The following NFAM1 variants were observed in gnomAD, a reference collection of about 807,000 sequenced individuals.
The protein encoded by NFAM1 is NFAT activation molecule 1.
A neutral mutation model predicts 29.0 loss-of-function variants in NFAM1; 17 were observed. The ratio of observed to expected loss-of-function variants is 0.59; its 90% CI spans 0.40 to 0.88. The LOEUF (loss-of-function observed/expected upper bound fraction) is 0.88. Ranked by LOEUF, NFAM1 falls within the 40% of genes least tolerant of loss-of-function variation. The probability of loss-of-function intolerance (pLI) is 0.00; values close to 1 mark genes in which losing one functional copy is unlikely to be tolerated. For missense variants in NFAM1, 324 were observed against 344.6 expected (o/e 0.94, Z 0.47); for synonymous variants, 175 against 147.2 (o/e 1.19, Z -1.36).
At chr22:42,413,182 G>A (rs77282487) in intron 1 of NFAM1, among the ~76,000 whole-genome samples, 1,710 of 152,318 alleles carry the variant, frequency 0.011, 31 homozygotes, top group African/African-American at 0.039. Flanking sequence ...CATGCAGGCC[G>A]GATTGTTAAT....
At chr22:42,396,024 T>C (rs542736654) in intron 4 of NFAM1, among the ~76,000 whole-genome samples, 1 of 152,238 alleles carries the variant, frequency 6.6e-6, no homozygotes, top group African/African-American at 2.4e-5. Flanking sequence ...ACATAGTAGG[T>C]ACACAACAAA....
chr22:42,436,909 T>C (rs913819846), upstream of NFAM1: 1 of 603,854 alleles, frequency 1.7e-6, no homozygotes, highest in Non-Finnish European at 2.1e-6. Context: ...GCAGATATTA[T>C]ACGCCTCAGC....
At chr22:42,387,701 C>T (rs2147089043) in intron 4 of NFAM1, among the ~76,000 whole-genome samples, 1 of 152,248 alleles carries the variant, frequency 6.6e-6, no homozygotes, top group African/African-American at 2.4e-5. Flanking sequence ...ACCCCTCATC[C>T]CCCTTGCCTG....
At chr22:42,401,945 T>C (rs1929738645) in intron 3 of NFAM1, among the ~76,000 whole-genome samples, 1 of 152,234 alleles carries the variant, frequency 6.6e-6, no homozygotes, top group South Asian at 2.1e-4. Flanking sequence ...CTCGCATGCA[T>C]TTATCCTGTC....
intron 3 of NFAM1, among the ~76,000 whole-genome samples, chr22:42,407,209 G>T (rs932669759): frequency 6.6e-6 from 1 of 151,666 alleles, no homozygotes; most frequent in Non-Finnish European, 1.5e-5. Flanking sequence ...AGCCTCCTGA[G>T]TAGCTGGGAT....
intron 3 of NFAM1, among the ~76,000 whole-genome samples, chr22:42,401,613 C>T (rs1076646): frequency 0.038 from 5,765 of 152,240 alleles, 352 homozygotes; most frequent in African/African-American, 0.13. Context: ...GGCTGCTTTG[C>T]TCCCTGCCCA....
In NFAM1 at chr22:42,409,452, G is replaced by A. The variant is rs756671448; in HGVS notation, c.547C>T (p.Leu183=). The A allele has an allele frequency of 3.3e-6, 5 of 1,513,250 alleles. No homozygotes were observed. The Admixed American group carries it at 1.1e-4, about 32-fold the overall frequency. 93.7% of individuals were successfully genotyped at this position (1,513,250 alleles called of 1,614,324 possible). ...LSVLSVVGTA[L]LLWNKKRMRG... ...TCCCGTACCTTGTTCCAGAGCAGCA[G>A]GGCCGTGCCCACTACACTCAGGACA... The change falls in exon 3 of 6, where the codon CTG becomes TTG. Residue 183 remains leucine (L), a synonymous_variant. Coordinates refer to ENST00000329021, the MANE Select transcript of NFAM1 (RefSeq NM_145912.8). The surrounding 1 kb of genome is among the most constrained non-coding windows in gnomAD (Gnocchi z 4.9).
At chr22:42,405,995 A>G (rs1226999531) in intron 3 of NFAM1, among the ~76,000 whole-genome samples, 1 of 152,180 alleles carries the variant, frequency 6.6e-6, no homozygotes, top group Admixed American at 6.5e-5. Context: ...CCTTCTTGGA[A>G]AAGCGATGAC....
chr22:42,391,013 G>T (rs1458002633), intron 4 of NFAM1, among the ~76,000 whole-genome samples: 1 of 152,120 alleles, frequency 6.6e-6, no homozygotes, highest in Non-Finnish European at 1.5e-5. Flanking sequence ...CTGACCAAGG[G>T]CTCAAAACCG....
rs894190662 is a variant in NFAM1 at position 42,419,701 on chromosome 22, T to C, written c.122-7965A>G. Among the ~76,000 whole-genome samples the C allele has an allele frequency of 2.6e-5, 4 of 152,210 alleles. No individual in the cohort carries two copies. Among genetic ancestry groups the C allele is most frequent in the Non-Finnish European group, 5.9e-5 (4 of 68,050 alleles). ...CCCGTGCTGTTCCGGCTGTGCGGAA[T>C]GTCCTACCCATTCCTTCCTCTCCTG... On this transcript the variant is annotated intron_variant, in intron 1 of 5. Coordinates refer to ENST00000329021, the MANE Select transcript of NFAM1 (RefSeq NM_145912.8). This position sits in a 1 kb window ranked among gnomAD's most constrained non-coding sequence, Gnocchi z 4.5.
At chr22:42,397,401 G>C (rs141978013) in intron 4 of NFAM1, among the ~76,000 whole-genome samples, 24 of 152,356 alleles carry the variant, frequency 1.6e-4, no homozygotes, top group African/African-American at 5.5e-4. Flanking sequence ...GTGCCAGGAG[G>C]GGAGAGAGCA....
At chr22:42,404,374 A>C (rs1706053695) in intron 3 of NFAM1, among the ~76,000 whole-genome samples, 1 of 152,002 alleles carries the variant, frequency 6.6e-6, no homozygotes, top group Admixed American at 6.6e-5. Context: ...CTGTGCCTGG[A>C]GGGAGCCTCT....
intron 3 of NFAM1, among the ~76,000 whole-genome samples, chr22:42,405,505 G>A (rs1441148299): frequency 6.6e-6 from 1 of 152,186 alleles, no homozygotes; most frequent in African/African-American, 2.4e-5. Flanking sequence ...GGGAAAAGCC[G>A]AAGCAGGGAG....
intron 2 of NFAM1, among the ~76,000 whole-genome samples, chr22:42,410,108 CA>C (rs1930032081): frequency 6.6e-6 from 1 of 152,202 alleles, no homozygotes. Flanking sequence ...ATTTCCCCAG[CA>C]CTGCCTATTG....
intron 3 of NFAM1, among the ~76,000 whole-genome samples, chr22:42,406,696 G>A (rs931511140): frequency 2.6e-5 from 4 of 152,120 alleles, no homozygotes; most frequent in African/African-American, 7.2e-5. Context: ...TGATATATAC[G>A]ACCTACTCAC....
chr22:42,413,150 G>A (rs888608929), intron 1 of NFAM1, among the ~76,000 whole-genome samples: 2 of 152,204 alleles, frequency 1.3e-5, no homozygotes, highest in Non-Finnish European at 2.9e-5. Flanking sequence ...CTAAATTGAG[G>A]TCGGCAGCCA....
chr22:42,418,956 T>G (rs1280219367), intron 1 of NFAM1, among the ~76,000 whole-genome samples: 1 of 152,162 alleles, frequency 6.6e-6, no homozygotes, highest in African/African-American at 2.4e-5. Flanking sequence ...CCCACCCTTG[T>G]TGGGAAAGAG....
intron 4 of NFAM1, among the ~76,000 whole-genome samples, chr22:42,389,538 T>C (rs1189524021): frequency 6.6e-6 from 1 of 152,034 alleles, no homozygotes; most frequent in African/African-American, 2.4e-5. Context: ...TGGCCCTCCC[T>C]TAGGTATGCC....
chr22:42,401,806 C>T (rs1261095656), intron 3 of NFAM1, among the ~76,000 whole-genome samples: 1 of 152,210 alleles, frequency 6.6e-6, no homozygotes, highest in Non-Finnish European at 1.5e-5. Flanking sequence ...CAGCTGTGCA[C>T]ACCAGGGGTG....
Sources: gnomAD v4.1 joint callset for allele counts (sites outside exome capture counted in the v4.1 genomes callset) on GRCh38, gnomAD v4.1.1 for gene constraint, Gnocchi (gnomAD v3.1) non-coding constraint, MANE v1.5 for transcripts, NCBI Gene and HGNC (gene_info 2026-07-23, HGNC 2026-07-21) for gene names.